The following ULK3 variants were observed in gnomAD, a reference collection of about 807,000 sequenced individuals.
ULK3 encodes the protein serine/threonine-protein kinase ULK3.
In ULK3, 54 loss-of-function variants were observed where a neutral mutation model predicts 69.4. The observed-to-expected ratio is 0.78, with a 90% confidence interval of 0.63 to 0.98. The LOEUF is 0.98. ULK3 is among the 50% of genes least tolerant of loss of function. ULK3 has a pLI of 0.00. For synonymous variants in ULK3, 240 were observed against 254.5 expected (o/e 0.94, Z 0.54); for missense variants, 558 against 627.7 (o/e 0.89, Z 1.19).
At position 74,839,539 on chromosome 15, in the gene ULK3, G is replaced by T; in HGVS notation, c.852+19C>A. On this transcript the variant is annotated intron_variant, in intron 7 of 15. Coordinates refer to ENST00000440863, the MANE Select transcript of ULK3 (RefSeq NM_001099436.4). ...TCCAGCCCACCCTCAGCCCACCCCA[G>T]CCCCAGCCGTCTGCTCACTGCTCGC... 6.5e-7 allele frequency: 1 copy of T among 1,545,294 alleles called. No homozygotes were observed.
At chr15:74,837,991 C>G (rs767254795) in intron 13 of ULK3, 161 bp downstream of exon 13, 106 of 1,286,278 alleles carry the variant, frequency 8.2e-5, no homozygotes, top group Non-Finnish European at 1.1e-4. Context: ...TCCCAGATCC[C>G]CCACTGCCCT....
chr15:74,842,754 A>C lies in ULK3; in HGVS notation c.102+250T>G. 6.6e-7 allele frequency: 1 copy of C among 1,505,968 alleles called. No homozygotes were observed. The highest frequency in any genetic ancestry group is 8.9e-7 in the Non-Finnish European group (1 of 1,127,824). The allele number at this position is 1,505,968 out of a possible 1,614,324, so 93.3% of individuals were successfully genotyped here. On this transcript the variant is annotated intron_variant, in intron 1 of 15. Transcript: ENST00000440863. This position sits in a 1 kb window ranked among gnomAD's most constrained non-coding sequence, Gnocchi z 4.9. Reference sequence around the variant, plus strand: ...GCCTCCCAACTGGCTCCAGTCCCAGACTCCTCCCAGCCCACCAGGTAACCT... The same window carrying C: ...GCCTCCCAACTGGCTCCAGTCCCAGCCTCCTCCCAGCCCACCAGGTAACCT...
Position 74,839,545 on chromosome 15 carries a change from G to T in ULK3, c.852+13C>A. On this transcript the variant is annotated intron_variant, in intron 7 of 15. Transcript: ENST00000440863. The stretch of plus-strand genomic sequence containing the variant: ...CCACCCTCAGCCCACCCCAGCCCCA[G>T]CCGTCTGCTCACTGCTCGCCCCAGA... 1 of 1,550,234 alleles carries T rather than the reference G, an allele frequency of 6.5e-7. No individual in the cohort carries two copies.
Position 74,837,016 on chromosome 15 carries a change from C to G in ULK3, c.*212G>C, listed in dbSNP as rs2064037926. The G allele has an allele frequency of 1.8e-6, 1 of 548,668 alleles. No individual in the cohort carries two copies. Among genetic ancestry groups the G allele is most frequent in the African/African-American group, 1.9e-5 (1 of 52,996 alleles). The allele number at this position is 548,668 out of a possible 1,614,324, so 34.0% of individuals were successfully genotyped here. Reference sequence around the variant, plus strand: ...GCTGTTCTCCCAGAGTCCTGCCCTCCCCTCCAGTATACAGCACAGCCATCA... The same window carrying G: ...GCTGTTCTCCCAGAGTCCTGCCCTCGCCTCCAGTATACAGCACAGCCATCA... On this transcript the variant is annotated 3_prime_UTR_variant, in exon 16 of 16. Coordinates refer to ENST00000440863, the MANE Select transcript of ULK3 (RefSeq NM_001099436.4).
At position 74,843,003 on chromosome 15, in the gene ULK3, C is replaced by T; in HGVS notation, c.102+1G>A. ...GCACGGGGCCATCGGCCGGCACCCA[C>T]CTTGGCGTAGGCCTTGTACACCGTG... On this transcript the variant is annotated splice_donor_variant, in intron 1 of 15. Transcript: ENST00000440863. LOFTEE classifies it high-confidence loss of function. 1 of 1,547,334 alleles carries T rather than the reference C, an allele frequency of 6.5e-7. No individual in the cohort carries two copies. Among genetic ancestry groups the T allele is most frequent in the Non-Finnish European group, 8.7e-7 (1 of 1,145,798 alleles).
In ULK3 at chr15:74,841,522, A is replaced by T; in HGVS notation, c.365-13T>A. ...TGCAGGGCGCTAGCTGAGGAGCAGG[A>T]CCCACGAAGAGAGACAGTTCAGAGC... is the stretch of plus-strand genomic sequence containing the variant. On this transcript the variant is annotated splice_polypyrimidine_tract_variant and intron_variant, in intron 3 of 15. Transcript: ENST00000440863. The T allele has an allele frequency of 3.1e-6, 5 of 1,611,672 alleles. No homozygotes were observed. The highest frequency in any genetic ancestry group is 4.2e-6 in the Non-Finnish European group (5 of 1,178,106).
In ULK3 at chr15:74,838,309, G is replaced by A. The variant is rs929509520; in HGVS notation, c.1203C>T (p.Asp401=). 2 of 1,566,348 alleles carry A rather than the reference G, an allele frequency of 1.3e-6. No homozygotes were observed. The highest frequency in any genetic ancestry group is 1.2e-5 in the South Asian group (1 of 85,268). The stretch of plus-strand genomic sequence containing the variant: ...GCTCCCCCAGGCTGTGCTGGTACAG[G>A]TCCAGGGCATCCTGCTCCCCGCCGG... ...EAAGGEQDAL[D]LYQHSLGELL... Residue 401 remains aspartate (D), a synonymous_variant, in exon 12 of 16, where the codon GAC becomes GAT. Coordinates refer to ENST00000440863, the MANE Select transcript of ULK3 (RefSeq NM_001099436.4).
Position 74,843,130 on chromosome 15 carries a change from C to T in ULK3, c.-25G>A, listed in dbSNP as rs1183945486. 2.4e-6 allele frequency: 3 copies of T among 1,240,808 alleles called. No homozygotes were observed. The highest frequency in any genetic ancestry group is 3.0e-6 in the Non-Finnish European group (3 of 984,664). The allele number at this position is 1,240,808 out of a possible 1,614,324, so 76.9% of individuals were successfully genotyped here. On this transcript the variant is annotated 5_prime_UTR_variant, in exon 1 of 16. Transcript: ENST00000440863. ...TTCCGGCCGCCTGCGCCCGCGCGGG[C>T]GCTTCCTCGCTGCGGGCGGCGGTTC...
Position 74,838,252 on chromosome 15 carries a change from A to G in ULK3, c.1246+14T>C. ...GCCAGAGGCCCTGTGGGGGGCATAA[A>G]TGGGGGCCCTCACCTGCCAGCAACA... On this transcript the variant is annotated intron_variant, in intron 12 of 15. Coordinates refer to ENST00000440863, the MANE Select transcript of ULK3 (RefSeq NM_001099436.4). The G allele has an allele frequency of 6.4e-7, 1 of 1,562,612 alleles. No individual in the cohort carries two copies. The highest frequency in any genetic ancestry group is 1.9e-5 in the Admixed American group (1 of 52,404).
Position 74,842,419 on chromosome 15 carries a change from T to C in ULK3, c.104A>G (p.Lys35Arg), listed in dbSNP as rs771279159. Residue 35 changes from lysine to arginine, a missense_variant and splice_region_variant, in exon 2 of 16, where the codon AAG becomes AGG. Transcript: ENST00000440863. The surrounding 1 kb of genome is among the most constrained non-coding windows in gnomAD (Gnocchi z 4.9). ...TATGGCTACCACTTCACGAGTGTCC[T>C]TCTGCGAGACAGGAGATTTGGGGAC... ...YATVYKAYAK[K>R]DTREVVAIKC... is the part of the protein sequence containing the mutation. 7 of 1,613,956 alleles carry C rather than the reference T, an allele frequency of 4.3e-6. No homozygotes were observed. Among genetic ancestry groups the C allele is most frequent in the Non-Finnish European group, 5.1e-6 (6 of 1,179,892 alleles).
chr15:74,839,254 G>A lies in ULK3; in HGVS notation c.958+14C>T, dbSNP rs1164953351. 5 of 1,552,964 alleles carry A rather than the reference G, an allele frequency of 3.2e-6. No individual in the cohort carries two copies. The South Asian group carries it at 3.6e-5, about 11-fold the overall frequency. ...TGCTGCACCCACGGGCTTCAGGCAT[G>A]GCCTGGGACTCACAGTGCAGGGCAG... is the stretch of plus-strand genomic sequence containing the variant. On this transcript the variant is annotated intron_variant, in intron 8 of 15. Coordinates refer to ENST00000440863, the MANE Select transcript of ULK3 (RefSeq NM_001099436.4).
intron 9 of ULK3, 113 bp downstream of exon 9, chr15:74,838,897 C>A: frequency 2.7e-6 from 4 of 1,463,186 alleles, no homozygotes; most frequent in Non-Finnish European, 3.7e-6. Flanking sequence ...ATTCCCAGCT[C>A]TGTGTTGCAG....
rs768256218 is a variant in ULK3 at position 74,838,765 on chromosome 15, T to C, written c.1000-20A>G. ...CCCCACCTGTAGCAGGGAAAGGGCC[T>C]GAGGAGGGGCTGTCTCACCAGCTAC... On this transcript the variant is annotated intron_variant, in intron 9 of 15. Transcript: ENST00000440863. 2.5e-6 allele frequency: 4 copies of C among 1,580,500 alleles called. No individual in the cohort carries two copies. The highest frequency in any genetic ancestry group is 3.4e-6 in the Non-Finnish European group (4 of 1,159,670).
intron 7 of ULK3, 45 bp from the exon 8 acceptor site, chr15:74,839,418 C>T (rs1263202339): frequency 1.9e-6 from 3 of 1,548,126 alleles, no homozygotes; most frequent in South Asian, 2.4e-5. Flanking sequence ...CCCTACCCTC[C>T]CACACTCACC....
At position 74,839,564 on chromosome 15, in the gene ULK3, C is replaced by A; in HGVS notation, c.846G>T (p.Gly282=). 6.4e-7 allele frequency: 1 copy of A among 1,559,170 alleles called. No individual in the cohort carries two copies. Among genetic ancestry groups the A allele is most frequent in the Non-Finnish European group, 8.7e-7 (1 of 1,153,328 alleles). ...LEHMPSGESL[G]RATALVVQAV... ...GCCCCAGCCGTCTGCTCACTGCTCGCCCCAGACTCTCCCCACTGGGCATGT... is the reference window on the plus strand; with the variant it reads ...GCCCCAGCCGTCTGCTCACTGCTCGACCCAGACTCTCCCCACTGGGCATGT... The change falls in exon 7 of 16, where the codon GGG becomes GGT. Residue 282 remains glycine (G), a synonymous_variant. Transcript: ENST00000440863.
chr15:74,837,550 CAA>C, intron 14 of ULK3, 115 bp from the exon 15 acceptor site: 1 of 706,054 alleles, frequency 1.4e-6, no homozygotes. Context: ...CAGTGCCGAG[CAA>C]GTGAGAGAGT....
rs778913185 is a variant in ULK3, at chr15:74,837,203, C to T, written c.*25G>A. On this transcript the variant is annotated 3_prime_UTR_variant, in exon 16 of 16. Coordinates refer to ENST00000440863, the MANE Select transcript of ULK3 (RefSeq NM_001099436.4). ...GTGCCCCTCTGCTCCAGATGGCTCACATCTGTCCAATCATTCTTCTAGGGT... is the reference window on the plus strand; with the variant it reads ...GTGCCCCTCTGCTCCAGATGGCTCATATCTGTCCAATCATTCTTCTAGGGT... 1.3e-6 allele frequency: 2 copies of T among 1,545,798 alleles called. No individual in the cohort carries two copies. Among genetic ancestry groups the T allele is most frequent in the East Asian group, 2.3e-5 (1 of 44,296 alleles).
chr15:74,837,331 C>T (rs758234893), intron 15 of ULK3, 38 bp downstream of exon 15: 16 of 1,612,916 alleles, frequency 9.9e-6, no homozygotes, highest in Non-Finnish European at 1.4e-5. Context: ...GCCCTCACCC[C>T]TCCTTGGATG....
At position 74,842,066 on chromosome 15, in the gene ULK3, G is replaced by A; in HGVS notation, c.364+9C>T. On this transcript the variant is annotated intron_variant, in intron 3 of 15. Transcript: ENST00000440863. The surrounding 1 kb of genome is among the most constrained non-coding windows in gnomAD (Gnocchi z 4.9). ...GACAGAGTGTCAGGCTGGTGTCACA[G>A]GCCTTTACCTAATTGCTGCATGAAG... The A allele has an allele frequency of 1.2e-6, 2 of 1,613,632 alleles. No homozygotes were observed. Among genetic ancestry groups the A allele is most frequent in the African/African-American group, 1.3e-5 (1 of 75,044 alleles).
Sources: allele counts gnomAD v4.1 joint callset, GRCh38; gene constraint gnomAD v4.1.1; non-coding constraint Gnocchi (gnomAD v3.1); transcripts MANE v1.5; gene names NCBI Gene and HGNC (gene_info 2026-07-23, HGNC 2026-07-21).